Variants in PTPRR observed in about 807,000 individuals in gnomAD.
The protein encoded by PTPRR is protein tyrosine phosphatase receptor type R, also known as receptor-type tyrosine-protein phosphatase R.
A neutral mutation model predicts 77.2 loss-of-function variants in PTPRR; 38 were observed. The observed-to-expected ratio is 0.49, with a 90% confidence interval of 0.38 to 0.65. The LOEUF is 0.65. PTPRR is among the 30% of genes least tolerant of loss of function. PTPRR has a pLI of 0.00. For synonymous variants in PTPRR, 299 were observed against 283.1 expected, an observed-to-expected ratio of 1.06 and a Z score of -0.57; for missense variants, 744 against 799.2, an observed-to-expected ratio of 0.93 and a Z score of 0.83.
intron 2 of PTPRR, among the ~76,000 whole-genome samples, chr12:70,839,951 T>C (rs1334724521): frequency 6.6e-6 from 1 of 152,234 alleles, no homozygotes; most frequent in Non-Finnish European, 1.5e-5. Context: ...AATGTCACCA[T>C]GTTTTTGGAT....
intron 2 of PTPRR, among the ~76,000 whole-genome samples, chr12:70,879,531 A>C (rs192491745): frequency 1.1e-3 from 172 of 152,334 alleles, no homozygotes; most frequent in African/African-American, 4.0e-3. Context: ...CCACTGCCTC[A>C]AGCTGCTCAC....
At chr12:70,768,994 T>G (rs1463318992) in intron 2 of PTPRR, among the ~76,000 whole-genome samples, 2 of 149,610 alleles carry the variant, frequency 1.3e-5, no homozygotes, top group African/African-American at 5.1e-5. Flanking sequence ...GAATTAGGTA[T>G]TGATGGGACA....
chr12:70,804,546 C>G (rs979989965), intron 2 of PTPRR, among the ~76,000 whole-genome samples: 1 of 148,574 alleles, frequency 6.7e-6, no homozygotes, highest in Non-Finnish European at 1.5e-5. Flanking sequence ...GCCTGGGTGA[C>G]AGAAAAAAAA....
chr12:70,749,471 T>C (rs980488508), intron 5 of PTPRR, among the ~76,000 whole-genome samples: 1 of 152,210 alleles, frequency 6.6e-6, no homozygotes, highest in Non-Finnish European at 1.5e-5. Context: ...TTTAATGTTA[T>C]TACTATTAAG....
intron 1 of PTPRR, among the ~76,000 whole-genome samples, chr12:70,918,309 AAACACCAAT>A (rs1893804336): frequency 6.6e-6 from 1 of 152,268 alleles, no homozygotes; most frequent in Non-Finnish European, 1.5e-5. Context: ...TGCTGTGATA[AAACACCAAT>A]GTATTTTACT....
At chr12:70,821,350 G>C (rs1592776529) in intron 2 of PTPRR, among the ~76,000 whole-genome samples, 1 of 149,020 alleles carries the variant, frequency 6.7e-6, no homozygotes, top group Non-Finnish European at 1.5e-5. Context: ...TCAGCCTCCT[G>C]AGTAGCTGGG....
intron 13 of PTPRR, among the ~76,000 whole-genome samples, chr12:70,654,402 G>A (rs572646920): frequency 2.5e-4 from 38 of 152,178 alleles, no homozygotes; most frequent in Middle Eastern, 3.4e-3. Flanking sequence ...ACATGGCAAA[G>A]CCCCAGCTCT....
intron 12 of PTPRR, 141 bp from the exon 13 acceptor site, chr12:70,656,958 G>T: frequency 2.7e-6 from 1 of 376,992 alleles, no homozygotes; most frequent in African/African-American, 2.2e-5. Flanking sequence ...CTGGCCCTGT[G>T]CTAAGTGCTT....
At chr12:70,874,525 G>A (rs1175208182) in intron 2 of PTPRR, among the ~76,000 whole-genome samples, 4 of 152,204 alleles carry the variant, frequency 2.6e-5, no homozygotes, top group African/African-American at 4.8e-5. Flanking sequence ...AAAACAAAGA[G>A]TGATTCTGGT....
intron 7 of PTPRR, among the ~76,000 whole-genome samples, chr12:70,698,820 G>T (rs993404410): frequency 6.6e-6 from 1 of 151,948 alleles, no homozygotes; most frequent in African/African-American, 2.4e-5. Context: ...AAATATAAAG[G>T]GCTTTTTTGT....
In PTPRR at chr12:70,642,827, TA is replaced by T. The variant is rs1181047750; in HGVS notation, c.1881-3551del. On this transcript the variant is annotated intron_variant, in intron 13 of 13. Coordinates refer to ENST00000283228, the MANE Select transcript of PTPRR (RefSeq NM_002849.4). ...CATAATCATCTCTGAAAATATTAAA[TA>T]AATGTCCTATTGCATATATTGATAT... Among the ~76,000 whole-genome samples, 5 of 152,304 alleles carry T rather than the reference TA, an allele frequency of 3.3e-5. No homozygotes were observed. In the East Asian group the frequency reaches 9.7e-4, roughly 30 times the overall value.
Position 70,729,600 on chromosome 12 carries a change from CACTT to C in PTPRR, c.1007+16214_1007+16217del, listed in dbSNP as rs557944219. Among the ~76,000 whole-genome samples, 710 of 152,176 alleles carry C rather than the reference CACTT, an allele frequency of 4.7e-3. 10 individuals carry two copies. Among genetic ancestry groups the C allele is most frequent in the African/African-American group, 0.016 (679 of 41,500 alleles). On this transcript the variant is annotated intron_variant, in intron 6 of 13. Transcript: ENST00000283228. ...GAGGCCCCCAGCTCTAAAATATTAACACTTACTTCTAGATTATAACTATGCCCAC... is the reference window on the plus strand; with the variant it reads ...GAGGCCCCCAGCTCTAAAATATTAACACTTCTAGATTATAACTATGCCCAC...
chr12:70,674,105 TA>T (rs1162631783), intron 10 of PTPRR, among the ~76,000 whole-genome samples: 4 of 152,062 alleles, frequency 2.6e-5, no homozygotes, highest in Non-Finnish European at 5.9e-5. Context: ...GGCTAATTTT[TA>T]AATTTTTTGT....
chr12:70,815,464 C>A (rs1033241903), intron 2 of PTPRR, among the ~76,000 whole-genome samples: 3 of 151,934 alleles, frequency 2.0e-5, no homozygotes, highest in East Asian at 1.9e-4. Flanking sequence ...GTTCAATGAA[C>A]CTAATGTAGA....
chr12:70,721,150 T>C (rs1035922743), intron 6 of PTPRR, among the ~76,000 whole-genome samples: 1 of 152,224 alleles, frequency 6.6e-6, no homozygotes, highest in Non-Finnish European at 1.5e-5. Flanking sequence ...GCAAAAGCTC[T>C]TACTTACACA....
At chr12:70,774,738 G>A (rs1372034938) in intron 2 of PTPRR, among the ~76,000 whole-genome samples, 1 of 152,036 alleles carries the variant, frequency 6.6e-6, no homozygotes, top group Non-Finnish European at 1.5e-5. Flanking sequence ...TATATGCCAG[G>A]CATTATATAT....
chr12:70,647,224 T>C (rs189954330), intron 13 of PTPRR, among the ~76,000 whole-genome samples: 442 of 152,342 alleles, frequency 2.9e-3, no homozygotes, highest in Non-Finnish European at 5.3e-3. Flanking sequence ...TATTATTTTA[T>C]ATGTTTCACT....
At chr12:70,716,596 T>C (rs1889040389) in intron 6 of PTPRR, among the ~76,000 whole-genome samples, 1 of 152,200 alleles carries the variant, frequency 6.6e-6, no homozygotes, top group African/African-American at 2.4e-5. Context: ...TGGTAACTTT[T>C]TTCAGCCACT....
Position 70,920,656 on chromosome 12 carries a change from C to T in PTPRR, c.-266G>A, listed in dbSNP as rs1330999545. On this transcript the variant is annotated 5_prime_UTR_variant, in exon 1 of 14. Coordinates refer to ENST00000283228, the MANE Select transcript of PTPRR (RefSeq NM_002849.4). The stretch of plus-strand genomic sequence containing the variant: ...GGCGGCAAATGCCTGGCCTTCTGGA[C>T]GCCCAGAAGCCAAGGCGGAGACGGC... 4 of 382,324 alleles carry T rather than the reference C, an allele frequency of 1.0e-5. No homozygotes were observed. The highest frequency in any genetic ancestry group is 4.1e-5 in the African/African-American group (2 of 49,092). 23.7% of individuals were successfully genotyped at this position (382,324 alleles called of 1,614,324 possible). A position where few individuals can be genotyped will look rare whatever the true frequency, so the allele number is the denominator to read the frequency against.
Sources: gnomAD v4.1 joint callset for allele counts (sites outside exome capture counted in the v4.1 genomes callset) on GRCh38, gnomAD v4.1.1 for gene constraint, MANE v1.5 for transcripts, NCBI Gene and HGNC (gene_info 2026-07-23, HGNC 2026-07-21) for gene names.